MYCBPAP: variants seen among roughly 807,000 people sequenced by gnomAD.
The protein encoded by MYCBPAP is MYCBP associated protein.
In MYCBPAP, 60 loss-of-function variants were observed where a neutral mutation model predicts 106.1. The ratio of observed to expected loss-of-function variants is 0.57; its 90% confidence interval spans 0.46 to 0.70. The LOEUF is 0.70. Among genes scored for constraint, MYCBPAP ranks in the 30% least tolerant of loss-of-function variants. The probability of loss-of-function intolerance (pLI) is 0.00; values close to 1 mark genes in which losing one functional copy is unlikely to be tolerated. For missense variants in MYCBPAP, 1,064 were observed against 1,169.3 expected, an observed-to-expected ratio of 0.91 and a Z score of 1.31; for synonymous variants, 407 against 440.6, an observed-to-expected ratio of 0.92 and a Z score of 0.95.
At chr17:50,523,187 G>A (rs1293028640) in intron 11 of MYCBPAP, 59 bp downstream of exon 11, 31 of 1,548,950 alleles carry the variant, frequency 2.0e-5, no homozygotes, top group East Asian at 6.8e-5. Flanking sequence ...TTTGTCCTCC[G>A]TGAGACATCA....
chr17:50,528,644 C>T, intron 16 of MYCBPAP, 51 bp from the exon 17 acceptor site: 1 of 1,594,798 alleles, frequency 6.3e-7, no homozygotes. Context: ...CCTGCAGCAT[C>T]CACTAGGCTG....
chr17:50,519,600 G>A (rs765312384), intron 6 of MYCBPAP, 40 bp from the exon 7 acceptor site: 1 of 1,611,234 alleles, frequency 6.2e-7, no homozygotes, highest in Non-Finnish European at 8.5e-7. Flanking sequence ...ATCTGGCTGA[G>A]GTGTCCTGGT....
Position 50,519,764 on chromosome 17 carries a change from C to T in MYCBPAP, c.893C>T (p.Pro298Leu). 1 of 1,613,908 alleles carries T rather than the reference C, an allele frequency of 6.2e-7. No individual in the cohort carries two copies. Residue 298 changes from proline to leucine, a missense_variant, in exon 7 of 19, where the codon CCC (proline) becomes CTC (leucine). Physicochemically the swap from Pro to Leu is moderately conservative, Grantham distance 98 (BLOSUM62 -3). Coordinates refer to ENST00000323776, the MANE Select transcript of MYCBPAP (RefSeq NM_032133.6). ...LMEPITHIRK[P>L]HSIRVETGLP... is the part of the protein sequence containing the mutation. ...GAGCCCATCACTCACATCAGGAAGC[C>T]CCACTCCATCCGGGTGGAGACAGGT...
At position 50,531,356 on chromosome 17, in the gene MYCBPAP, T is replaced by C. The variant is rs1064055; in HGVS notation, c.2754T>C (p.Thr918=). 1,187,314 of 1,611,744 alleles carry C rather than the reference T, an allele frequency of 0.74. 440,046 individuals are homozygous for C. Among genetic ancestry groups the C allele is most frequent in the African/African-American group, 0.9 (67,751 of 74,922 alleles). The change falls in exon 19 of 19, where the codon ACT becomes ACC. Residue 918 remains threonine (T), a synonymous_variant. Transcript: ENST00000323776. ...EVRGLLDTLV[T]DLMVLADELS... The stretch of plus-strand genomic sequence containing the variant: ...GTGGGCTGCTGGACACCCTGGTGAC[T>C]GACCTGATGGTCCTGGCTGATGAGC...
chr17:50,510,521 A>G lies in MYCBPAP; in HGVS notation c.76+1771A>G, dbSNP rs1436689532. The G allele has an allele frequency of 1.4e-3, 179 of 130,136 alleles. 6 individuals are homozygous for G. Among genetic ancestry groups the G allele is most frequent in the African/African-American group, 4.9e-3 (162 of 32,802 alleles). 8.1% of individuals were successfully genotyped at this position (130,136 alleles called of 1,614,324 possible). ...TGTGTATATATATATATATATATAT[A>G]TATATATATATATATGTATTTTGAG... is the stretch of plus-strand genomic sequence containing the variant. On this transcript the variant is annotated intron_variant, in intron 1 of 18. Transcript: ENST00000323776.
At chr17:50,510,691 A>AT (rs1357066722) in intron 1 of MYCBPAP, among the ~76,000 whole-genome samples, 11 of 128,208 alleles carry the variant, frequency 8.6e-5, no homozygotes, top group African/African-American at 2.5e-4. Flanking sequence ...ATGCCTGGCA[A>AT]ATTTTTTTTT....
At chr17:50,510,577 G>C (rs1196730059) in intron 1 of MYCBPAP, among the ~76,000 whole-genome samples, 1 of 144,982 alleles carries the variant, frequency 6.9e-6, no homozygotes, top group African/African-American at 2.5e-5. Flanking sequence ...CCGGGATGGA[G>C]TGCCGTGGTA....
chr17:50,514,647 C>A (rs1440916358), intron 1 of MYCBPAP, among the ~76,000 whole-genome samples: 4 of 151,916 alleles, frequency 2.6e-5, no homozygotes, highest in African/African-American at 4.8e-5. Flanking sequence ...ATACACTCAT[C>A]CTCAGTCATG....
chr17:50,516,419 ACCTTGG>A, intron 1 of MYCBPAP, 145 bp from the exon 2 acceptor site: 1 of 945,094 alleles, frequency 1.1e-6, no homozygotes, highest in African/African-American at 1.8e-5. Context: ...TACCCAGGCC[ACCTTGG>A]CAGCCTCTGC....
chr17:50,516,479 G>A, intron 1 of MYCBPAP, 91 bp from the exon 2 acceptor site: 1 of 1,424,492 alleles, frequency 7.0e-7, no homozygotes, highest in Non-Finnish European at 9.4e-7. Context: ...ATGGAGTCTA[G>A]TATATATTTT....
rs1290837228 is a variant in MYCBPAP, at chr17:50,522,283, G to A, written c.1257+202G>A. 1.0e-5 allele frequency: 5 copies of A among 502,226 alleles called. No individual in the cohort carries two copies. In the East Asian group the frequency reaches 1.7e-4, roughly 17 times the overall value. 31.1% of individuals were successfully genotyped at this position (502,226 alleles called of 1,614,324 possible). Reference sequence around the variant, plus strand: ...AGGCTGCGAGTGTCATAAGCCACTTGGGGCTTATACCCAGCCCCCAAGCAT... The same window carrying A: ...AGGCTGCGAGTGTCATAAGCCACTTAGGGCTTATACCCAGCCCCCAAGCAT... On this transcript the variant is annotated intron_variant, in intron 10 of 18. Transcript: ENST00000323776.
chr17:50,524,352 C>G (rs2034380642), intron 12 of MYCBPAP, among the ~76,000 whole-genome samples: 1 of 152,140 alleles, frequency 6.6e-6, no homozygotes, highest in Admixed American at 6.6e-5. Flanking sequence ...TTGTGGCCCC[C>G]AATCACAAGG....
intron 4 of MYCBPAP, 114 bp from the exon 5 acceptor site, chr17:50,518,426 GA>G (rs1292099662): frequency 8.0e-6 from 7 of 869,836 alleles, no homozygotes; most frequent in Non-Finnish European, 1.2e-5. Context: ...TCCTGAAGAG[GA>G]GGGACTCTCA....
intron 18 of MYCBPAP, chr17:50,529,777 A>AGAT: frequency 2.2e-6 from 1 of 456,738 alleles, no homozygotes; most frequent in Non-Finnish European, 4.4e-6. Context: ...GCATCCTGGC[A>AGAT]GATGCGTTCC....
intron 18 of MYCBPAP, 70 bp downstream of exon 18, chr17:50,529,258 A>G (rs745645480): frequency 8.4e-6 from 12 of 1,425,782 alleles, no homozygotes; most frequent in African/African-American, 1.4e-5. Flanking sequence ...CAGTCTGCAG[A>G]CAATAAGTGC....
intron 18 of MYCBPAP, among the ~76,000 whole-genome samples, chr17:50,531,055 G>A (rs1475931664): frequency 3.3e-5 from 5 of 151,516 alleles, no homozygotes; most frequent in Non-Finnish European, 7.4e-5. Context: ...GGGAGGCTGA[G>A]ATGGGAGAAT....
At chr17:50,516,840 T>C (rs2034071752) in intron 2 of MYCBPAP, 143 bp downstream of exon 2, 2 of 858,852 alleles carry the variant, frequency 2.3e-6, no homozygotes, top group Non-Finnish European at 3.5e-6. Context: ...TTCTTTTCAC[T>C]TTACCACCTT....
intron 12 of MYCBPAP, 135 bp downstream of exon 12, chr17:50,523,919 C>T: frequency 1.1e-6 from 1 of 870,298 alleles, no homozygotes; most frequent in East Asian, 2.7e-5. Context: ...GGTAACTACT[C>T]TTGCTCCACA....
At chr17:50,524,712 G>GTA in intron 12 of MYCBPAP, among the ~76,000 whole-genome samples, 165 bp from the exon 13 acceptor site, 1 of 55,198 alleles carries the variant, frequency 1.8e-5, no homozygotes, top group Admixed American at 1.5e-4. Context: ...TAGAACAGGC[G>GTA]TGTGTGTGTG....
Sources: allele counts gnomAD v4.1 joint callset (sites outside exome capture counted in the v4.1 genomes callset), GRCh38; gene constraint gnomAD v4.1.1; transcripts MANE v1.5; gene names NCBI Gene and HGNC (gene_info 2026-07-23, HGNC 2026-07-21).